The following LAMA4 variants were observed in gnomAD, a reference collection of about 807,000 sequenced individuals.
LAMA4 encodes the protein laminin subunit alpha 4.
A neutral mutation model predicts 207.1 loss-of-function variants in LAMA4; 127 were observed. That is an observed-to-expected ratio of 0.61 (90% CI 0.53 to 0.71). The LOEUF (loss-of-function observed/expected upper bound fraction) is 0.71, where lower values mean the gene tolerates loss of function less well. Among genes scored for constraint, LAMA4 ranks in the 30% least tolerant of loss-of-function variants. LAMA4 has a pLI of 0.00. For synonymous variants in LAMA4, 761 were observed against 816.0 expected, an observed-to-expected ratio of 0.93 and a Z score of 1.15; for missense variants, 2,093 against 2,246.5, an observed-to-expected ratio of 0.93 and a Z score of 1.38.
chr6:112,118,584 T>A lies in LAMA4; in HGVS notation c.4821+572A>T, dbSNP rs896905966. The stretch of plus-strand genomic sequence containing the variant: ...AAATTTAGTCCTTTGATGCATTCCT[T>A]TTATTGCTAAATTTTTTATAAGTGC... On this transcript the variant is annotated intron_variant, in intron 34 of 38. Coordinates refer to ENST00000230538, the MANE Select transcript of LAMA4 (RefSeq NM_001105206.3). The surrounding 1 kb of genome is among the most constrained non-coding windows in gnomAD (Gnocchi z 4.6). 1.3e-5 allele frequency among the ~76,000 whole-genome samples: 2 copies of A among 152,204 alleles called. No homozygotes were observed. Among genetic ancestry groups the A allele is most frequent in the Admixed American group, 1.3e-4 (2 of 15,270 alleles).
At chr6:112,147,326 G>T (rs962696150) in intron 18 of LAMA4, among the ~76,000 whole-genome samples, 4 of 152,090 alleles carry the variant, frequency 2.6e-5, no homozygotes, top group Admixed American at 6.5e-5. Context: ...CATTATAAAA[G>T]AGCTATTTTA....
At position 112,130,609 on chromosome 6, in the gene LAMA4, C is replaced by T. The variant is rs560932453; in HGVS notation, c.3968+359G>A. On this transcript the variant is annotated intron_variant, in intron 29 of 38. Coordinates refer to ENST00000230538, the MANE Select transcript of LAMA4 (RefSeq NM_001105206.3). ...TAAAATGCCATAAATGTTGCATTCT[C>T]AACTGTTTGACTCAAGGTCTAAACA... Among the ~76,000 whole-genome samples the T allele has an allele frequency of 6.5e-4, 99 of 152,008 alleles. 1 individual carries two copies. Among genetic ancestry groups the T allele is most frequent in the Non-Finnish European group, 1.3e-4 (9 of 67,970 alleles).
intron 2 of LAMA4, among the ~76,000 whole-genome samples, chr6:112,228,901 C>T (rs1296586716): frequency 6.6e-6 from 1 of 152,122 alleles, no homozygotes; most frequent in African/African-American, 2.4e-5. Context: ...AGCACACCCT[C>T]GTTCTCAGGG....
chr6:112,174,098 T>C (rs782170095), intron 11 of LAMA4, among the ~76,000 whole-genome samples: 5 of 152,246 alleles, frequency 3.3e-5, no homozygotes, highest in African/African-American at 9.6e-5. Flanking sequence ...ATTTCTTCCA[T>C]TGATTGTGTA....
At chr6:112,174,649 C>A (rs1033381319) in intron 11 of LAMA4, among the ~76,000 whole-genome samples, 8 of 152,138 alleles carry the variant, frequency 5.3e-5, no homozygotes, top group African/African-American at 1.9e-4. Context: ...CATGCCACCA[C>A]GCCCAGCTAT....
At chr6:112,170,196 C>T (rs1474828726) in intron 12 of LAMA4, among the ~76,000 whole-genome samples, 2 of 152,192 alleles carry the variant, frequency 1.3e-5, no homozygotes, top group African/African-American at 4.8e-5. Flanking sequence ...TTATCATTAT[C>T]GGTAGTATTA....
chr6:112,229,207 C>T (rs1785404981), intron 2 of LAMA4, among the ~76,000 whole-genome samples: 1 of 152,136 alleles, frequency 6.6e-6, no homozygotes. Context: ...TAGAAATAGG[C>T]CAAAAGTTTA....
At chr6:112,155,238 A>G (rs1443082485) in intron 15 of LAMA4, 2 of 563,738 alleles carry the variant, frequency 3.5e-6, no homozygotes, top group African/African-American at 1.9e-5. Flanking sequence ...AATAATTTTG[A>G]GTTGAAAAAA....
At chr6:112,140,286 A>G (rs899087231) in intron 22 of LAMA4, among the ~76,000 whole-genome samples, 13 of 152,180 alleles carry the variant, frequency 8.5e-5, no homozygotes, top group Non-Finnish European at 1.6e-4. Context: ...TCAACTTCCC[A>G]TCTTCTTCGA....
chr6:112,251,838 T>C (rs551730969), intron 2 of LAMA4, among the ~76,000 whole-genome samples: 1 of 152,358 alleles, frequency 6.6e-6, no homozygotes, highest in East Asian at 1.9e-4. Flanking sequence ...GAATGACTAA[T>C]ATCTTCTTTC....
chr6:112,154,007 G>A (rs142324360), intron 16 of LAMA4, among the ~76,000 whole-genome samples: 2 of 152,196 alleles, frequency 1.3e-5, no homozygotes, highest in Admixed American at 6.5e-5. Context: ...ACAAAATTGG[G>A]TGAGGTTTTT....
intron 28 of LAMA4, among the ~76,000 whole-genome samples, chr6:112,132,323 A>C (rs374956394): frequency 3.8e-4 from 58 of 152,314 alleles, no homozygotes; most frequent in African/African-American, 1.4e-3. Context: ...AGCAATGAGC[A>C]AAAATGACAT....
chr6:112,253,667 T>C, intron 2 of LAMA4: 1 of 1,413,236 alleles, frequency 7.1e-7, no homozygotes, highest in Non-Finnish European at 1.0e-6. Flanking sequence ...ACCGATGTGC[T>C]GCTGCAGTCC....
intron 4 of LAMA4, among the ~76,000 whole-genome samples, chr6:112,202,804 C>T (rs889409535): frequency 4.6e-5 from 7 of 152,144 alleles, no homozygotes; most frequent in South Asian, 4.1e-4. Flanking sequence ...AGTTAAGAGT[C>T]CAGAACAGGA....
intron 13 of LAMA4, chr6:112,164,017 C>G (rs1028074431): frequency 1.3e-5 from 2 of 152,176 alleles, no homozygotes; most frequent in African/African-American, 4.8e-5. Context: ...AGGGAGTTCT[C>G]TTCTCTTTGT....
chr6:112,118,023 T>C lies in LAMA4; in HGVS notation c.4822-125A>G, dbSNP rs1583635001. The C allele has an allele frequency of 1.3e-6, 1 of 782,138 alleles. No homozygotes were observed. Among genetic ancestry groups the C allele is most frequent in the Non-Finnish European group, 2.2e-6 (1 of 460,062 alleles). The allele number at this position is 782,138 out of a possible 1,614,324, so 48.4% of individuals were successfully genotyped here. Reference sequence around the variant, plus strand: ...TTCCTTGTTTCATTTATTTCAGATATCTGAATGATCAGTACTTTCCTGGAT... The same window carrying C: ...TTCCTTGTTTCATTTATTTCAGATACCTGAATGATCAGTACTTTCCTGGAT... On this transcript the variant is annotated intron_variant, in intron 34 of 38. Transcript: ENST00000230538. This position sits in a 1 kb window ranked among gnomAD's most constrained non-coding sequence, Gnocchi z 4.6.
chr6:112,170,984 AGAGGTGAGGCTGAG>A (rs1554341541), intron 12 of LAMA4, among the ~76,000 whole-genome samples: 1 of 152,192 alleles, frequency 6.6e-6, no homozygotes, highest in East Asian at 1.9e-4. Flanking sequence ...GAGAACAGTA[AGAGGTGAGGCTGAG>A]GAGGCTGGTA....
intron 2 of LAMA4, among the ~76,000 whole-genome samples, chr6:112,248,867 T>C (rs1159436268): frequency 5.3e-5 from 8 of 152,156 alleles, no homozygotes; most frequent in African/African-American, 1.9e-4. Context: ...GAAAGGAATA[T>C]GAAAATTTGG....
At chr6:112,219,501 C>T (rs1784810705) in intron 2 of LAMA4, 1 of 152,128 alleles carries the variant, frequency 6.6e-6, no homozygotes, top group African/African-American at 2.4e-5. Flanking sequence ...TGTAAAAACA[C>T]AATCTTAGCA....
Sources: gnomAD v4.1 joint callset for allele counts (sites outside exome capture counted in the v4.1 genomes callset) on GRCh38, gnomAD v4.1.1 for gene constraint, Gnocchi (gnomAD v3.1) non-coding constraint, MANE v1.5 for transcripts, NCBI Gene and HGNC (gene_info 2026-07-23, HGNC 2026-07-21) for gene names.